CGREF1: variants seen among roughly 807,000 people sequenced by gnomAD.
The protein encoded by CGREF1 is cell growth regulator with EF-hand domain 1.
CGREF1 carries 16 observed loss-of-function variants against 17.4 expected under a neutral mutation model. The ratio of observed to expected loss-of-function variants is 0.92; its 90% CI spans 0.62 to 1.40. CGREF1 has a LOEUF of 1.40. CGREF1 is among the 40% of genes most tolerant of loss of function. The pLI is 0.00. For synonymous variants in CGREF1, 142 were observed against 154.6 expected, an observed-to-expected ratio of 0.92 and a Z score of 0.61; for missense variants, 296 against 376.4, an observed-to-expected ratio of 0.79 and a Z score of 1.77.
intron 5 of CGREF1, 88 bp from the exon 6 acceptor site, chr2:27,101,976 C>T: frequency 6.4e-7 from 1 of 1,564,900 alleles, no homozygotes; most frequent in Non-Finnish European, 8.7e-7. Flanking sequence ...TGCATCCCTG[C>T]CGTGCAAGCT....
rs140733293 is a variant in CGREF1, at chr2:27,104,349, C to T, written c.18G>A (p.Met6Ile). Reference sequence around the variant, plus strand: ...GGAGCAGCAGCAGGATTAACACTGTCATCGTCAAAGGTAACATCCTTCCTG... The same window carrying T: ...GGAGCAGCAGCAGGATTAACACTGTTATCGTCAAAGGTAACATCCTTCCTG... MLPLT[M>I]TVLILLLLPT... Residue 6 changes from methionine to isoleucine, a missense_variant, in exon 2 of 6, where the codon ATG (methionine) becomes ATA (isoleucine). Met to Ile is a conservative substitution (Grantham distance 10). Transcript: ENST00000402394. The T allele has an allele frequency of 1.6e-5, 26 of 1,609,236 alleles. No homozygotes were observed. The African/African-American group carries it at 2.5e-4, about 16-fold the overall frequency.
chr2:27,109,939 T>TA (rs1460479654), intron 1 of CGREF1, among the ~76,000 whole-genome samples: 1 of 136,298 alleles, frequency 7.3e-6, no homozygotes, highest in Non-Finnish European at 1.6e-5. Context: ...GGATAACCAT[T>TA]AAAAAATTAG....
At chr2:27,103,117 A>G (rs1420079984) in intron 2 of CGREF1, 2 of 985,298 alleles carry the variant, frequency 2.0e-6, no homozygotes, top group Non-Finnish European at 2.4e-6. Flanking sequence ...CAGTCTTTCA[A>G]GCTCCAAATG....
intron 1 of CGREF1, among the ~76,000 whole-genome samples, chr2:27,116,537 A>AG (rs1671569939): frequency 1.3e-5 from 2 of 151,562 alleles, no homozygotes; most frequent in Admixed American, 1.3e-4. Flanking sequence ...AAAAAGAGAG[A>AG]GAAAAAAAAA....
In CGREF1 at chr2:27,100,852, C is replaced by G; in HGVS notation, c.*422G>C. The stretch of plus-strand genomic sequence containing the variant: ...TGCAGGAGAGCATGGGGTGTCTGAA[C>G]ACCAGGTGAGGGGGAACCGGTGAGG... On this transcript the variant is annotated 3_prime_UTR_variant, in exon 6 of 6. Coordinates refer to ENST00000402394, the MANE Select transcript of CGREF1 (RefSeq NM_006569.6). The G allele has an allele frequency of 9.1e-7, 1 of 1,093,512 alleles. No homozygotes were observed. Among genetic ancestry groups the G allele is most frequent in the South Asian group, 2.5e-5 (1 of 39,480 alleles). 67.7% of individuals were successfully genotyped at this position (1,093,512 alleles called of 1,614,324 possible).
chr2:27,101,857 G>A lies in CGREF1; in HGVS notation c.374C>T (p.Thr125Ile), dbSNP rs373222294. 7.0e-5 allele frequency: 113 copies of A among 1,613,324 alleles called. No individual in the cohort carries two copies. The highest frequency in any genetic ancestry group is 1.6e-4 in the Middle Eastern group (1 of 6,084). ...GAGCCCATCCCCATTCAGGTCCTGG[G>A]TCTCGAGCACTTTGTCCACTATCAA... The part of the protein sequence containing the change: ...VILIVDKVLE[T>I]QDLNGDGLMT... The change falls in exon 6 of 6, where the codon ACC becomes ATC. Residue 125 changes from threonine to isoleucine, a missense_variant. Thr to Ile is a moderately conservative substitution (Grantham distance 89). This residue lies in a region of CGREF1 where 247 missense variants were observed against 267.2 expected (regional missense o/e 0.92). Transcript: ENST00000402394.
chr2:27,116,727 G>A (rs1671577393), intron 1 of CGREF1, among the ~76,000 whole-genome samples: 1 of 140,550 alleles, frequency 7.1e-6, no homozygotes, highest in Non-Finnish European at 1.6e-5. Context: ...GTGCCACCAT[G>A]ACCTGCTAAT....
intron 1 of CGREF1, among the ~76,000 whole-genome samples, chr2:27,106,492 T>A (rs1181669978): frequency 1.3e-5 from 2 of 152,148 alleles, no homozygotes; most frequent in African/African-American, 4.8e-5. Flanking sequence ...GAACAAAAAG[T>A]AAATTTGTCA....
chr2:27,099,998 T>C, downstream of CGREF1: 1 of 761,534 alleles, frequency 1.3e-6, no homozygotes, highest in African/African-American at 1.8e-5. Context: ...TGAACTGCTC[T>C]GGCTGGGCAT....
rs977723685 is a variant in CGREF1 at position 27,101,034 on chromosome 2, G to A, written c.*240C>T. ...TCGGTCCCCAACCCCGTTCCTCTGA[G>A]AGGGTCTGGGCAGGCTGGACGGGTA... is the stretch of plus-strand genomic sequence containing the variant. On this transcript the variant is annotated 3_prime_UTR_variant, in exon 6 of 6. Coordinates refer to ENST00000402394, the MANE Select transcript of CGREF1 (RefSeq NM_006569.6). The A allele has an allele frequency of 3.8e-6, 5 of 1,312,790 alleles. No individual in the cohort carries two copies. Among genetic ancestry groups the A allele is most frequent in the Non-Finnish European group, 4.8e-6 (5 of 1,036,824 alleles). 81.3% of individuals were successfully genotyped at this position (1,312,790 alleles called of 1,614,324 possible).
intron 3 of CGREF1, 43 bp downstream of exon 3, chr2:27,102,483 C>A: frequency 6.2e-7 from 1 of 1,613,624 alleles, no homozygotes; most frequent in South Asian, 1.1e-5. Context: ...CAGCCCTGGG[C>A]CTGGTCTTCT....
intron 2 of CGREF1, among the ~76,000 whole-genome samples, chr2:27,103,781 G>A (rs1220234098): frequency 7.5e-5 from 11 of 147,640 alleles, no homozygotes; most frequent in African/African-American, 2.0e-4. Context: ...TCAAGAGTTC[G>A]AGACCAGCCT....
At chr2:27,107,767 T>G (rs530099063) in intron 1 of CGREF1, among the ~76,000 whole-genome samples, 1 of 150,800 alleles carries the variant, frequency 6.6e-6, no homozygotes, top group Admixed American at 6.6e-5. Flanking sequence ...ACCCCGTCTC[T>G]ACTAAAAATA....
chr2:27,116,111 C>A (rs1671555546), intron 1 of CGREF1, among the ~76,000 whole-genome samples: 1 of 151,610 alleles, frequency 6.6e-6, no homozygotes, highest in South Asian at 2.1e-4. Flanking sequence ...ATCTATGGTC[C>A]CAGCTACTTG....
At chr2:27,102,021 A>AGTT (rs1670893879) in intron 5 of CGREF1, 76 bp downstream of exon 5, 1 of 1,557,928 alleles carries the variant, frequency 6.4e-7, no homozygotes, top group East Asian at 2.3e-5. Context: ...TCACCAAAAG[A>AGTT]GTTATGATGA....
rs140862111 is a variant in CGREF1, at chr2:27,101,243, A to G, written c.*31T>C. On this transcript the variant is annotated 3_prime_UTR_variant, in exon 6 of 6. Coordinates refer to ENST00000402394, the MANE Select transcript of CGREF1 (RefSeq NM_006569.6). The stretch of plus-strand genomic sequence containing the variant: ...CTTCAGGGCTTATGTTCTGGCACTG[A>G]GACTTCGTGGGGTACCTGTATCTTC... The G allele has an allele frequency of 4.0e-5, 61 of 1,523,314 alleles. No individual in the cohort carries two copies. The African/African-American group carries it at 7.2e-4, about 18-fold the overall frequency. The allele number at this position is 1,523,314 out of a possible 1,614,324, so 94.4% of individuals were successfully genotyped here. A position where few individuals can be genotyped will look rare whatever the true frequency, so the allele number is the denominator to read the frequency against.
chr2:27,104,807 A>C (rs1219144302), intron 1 of CGREF1: 1 of 1,455,648 alleles, frequency 6.9e-7, no homozygotes, highest in Non-Finnish European at 9.1e-7. Context: ...CAAAAAGACC[A>C]AGACTTAAAC....
chr2:27,102,110 G>A lies in CGREF1; in HGVS notation c.329C>T (p.Pro110Leu), dbSNP rs868405688. 3 of 1,606,812 alleles carry A rather than the reference G, an allele frequency of 1.9e-6. No homozygotes were observed. In the African/African-American group the frequency reaches 4.0e-5, roughly 21 times the overall value. ...AGCAGAGCTTACCGGGTTGGTGGTA[G>A]GAGAGTTGGCAGCTCCAGGGGCCAG... Reference protein sequence around the residue: ...AALAPGAANSPTTNPVILIVD... With the variant: ...AALAPGAANSLTTNPVILIVD... The change falls in exon 5 of 6, where the codon CCT becomes CTT. Residue 110 changes from proline (P) to leucine (L), a missense_variant. Transcript: ENST00000402394.
rs1671693507 is a variant in CGREF1 at position 27,118,977 on chromosome 2, G to A, written c.-143C>T. On this transcript the variant is annotated 5_prime_UTR_variant, in exon 1 of 6. Coordinates refer to ENST00000402394, the MANE Select transcript of CGREF1 (RefSeq NM_006569.6). ...CGTGGCCGCTCCACGTCGCCCTCCC[G>A]GCTGGAGCCGCCGCCCTGGCCGGGC... The A allele has an allele frequency of 6.6e-6, 1 of 151,906 alleles. No homozygotes were observed. Among genetic ancestry groups the A allele is most frequent in the Non-Finnish European group, 1.5e-5 (1 of 67,812 alleles). 9.4% of individuals were successfully genotyped at this position (151,906 alleles called of 1,614,324 possible). A position where few individuals can be genotyped will look rare whatever the true frequency, so the allele number is the denominator to read the frequency against.
Sources: gnomAD v4.1 joint callset for allele counts (sites outside exome capture counted in the v4.1 genomes callset) on GRCh38, gnomAD v4.1.1 for gene constraint, gnomAD v4.1.1 regional missense constraint, MANE v1.5 for transcripts, NCBI Gene and HGNC (gene_info 2026-07-23, HGNC 2026-07-21) for gene names.